The following BAIAP2L1 variants were observed in gnomAD, a reference collection of about 807,000 sequenced individuals.
BAIAP2L1 encodes BAR/IMD domain containing adaptor protein 2 like 1.
Under a neutral mutation model 66.3 loss-of-function variants are expected in BAIAP2L1, and 35 were observed. The ratio of observed to expected loss-of-function variants is 0.53; its 90% confidence interval spans 0.40 to 0.70. The LOEUF (loss-of-function observed/expected upper bound fraction) is 0.70, where lower values mean the gene tolerates loss of function less well. BAIAP2L1 is among the 30% of genes least tolerant of loss of function. The pLI is 0.00. For missense variants in BAIAP2L1, 622 were observed against 656.9 expected, an observed-to-expected ratio of 0.95 and a Z score of 0.58; for synonymous variants, 269 against 248.7, an observed-to-expected ratio of 1.08 and a Z score of -0.77.
In BAIAP2L1 at chr7:98,401,046, G is replaced by T. The variant is rs925561610; in HGVS notation, c.-194C>A. 9.2e-6 allele frequency: 4 copies of T among 433,148 alleles called. No individual in the cohort carries two copies. Among genetic ancestry groups the T allele is most frequent in the Non-Finnish European group, 1.5e-5 (4 of 259,126 alleles). 26.8% of individuals were successfully genotyped at this position (433,148 alleles called of 1,614,324 possible). On this transcript the variant is annotated 5_prime_UTR_variant, in exon 1 of 14. Coordinates refer to ENST00000005260, the MANE Select transcript of BAIAP2L1 (RefSeq NM_018842.5). Reference sequence around the variant, plus strand: ...CAAAACTTGCGGCAGCGCCGCCCTGGCCTTCTTCGAGGAGCAGAGGAGAAG... The same window carrying T: ...CAAAACTTGCGGCAGCGCCGCCCTGTCCTTCTTCGAGGAGCAGAGGAGAAG...
At chr7:98,320,417 C>T in intron 3 of BAIAP2L1, 119 bp from the exon 4 acceptor site, 1 of 696,280 alleles carries the variant, frequency 1.4e-6, no homozygotes, top group South Asian at 1.9e-5. Context: ...CCCGCTGCAA[C>T]CTCCGCCTCC....
At chr7:98,325,564 G>GC (rs1212767061) in intron 3 of BAIAP2L1, among the ~76,000 whole-genome samples, 8 of 151,996 alleles carry the variant, frequency 5.3e-5, no homozygotes, top group Non-Finnish European at 8.8e-5. Context: ...TGTAGTCCTA[G>GC]CTACTCAGGA....
At chr7:98,321,248 C>T (rs1038205500) in intron 3 of BAIAP2L1, among the ~76,000 whole-genome samples, 6 of 152,174 alleles carry the variant, frequency 3.9e-5, no homozygotes, top group East Asian at 1.9e-4. Flanking sequence ...ATGATTACTT[C>T]GGTCATCACA....
intron 7 of BAIAP2L1, among the ~76,000 whole-genome samples, chr7:98,313,766 A>G (rs1800966138): frequency 1.4e-5 from 2 of 145,986 alleles, no homozygotes; most frequent in South Asian, 2.2e-4. Context: ...CCACAGATGC[A>G]CATCACCACA....
chr7:98,336,638 G>C (rs1251129806), intron 3 of BAIAP2L1, among the ~76,000 whole-genome samples: 2 of 152,062 alleles, frequency 1.3e-5, no homozygotes, highest in African/African-American at 4.8e-5. Context: ...TAAAATAAAT[G>C]CATAAATATA....
At chr7:98,306,799 A>C in intron 10 of BAIAP2L1, 1 of 416,602 alleles carries the variant, frequency 2.4e-6, no homozygotes. Context: ...CCTCGAACTC[A>C]TGGGCTCAAG....
At chr7:98,295,439 C>T (rs374190862) in intron 12 of BAIAP2L1, among the ~76,000 whole-genome samples, 3 of 152,202 alleles carry the variant, frequency 2.0e-5, no homozygotes, top group Admixed American at 6.5e-5. Context: ...GGGCACTCAA[C>T]GCTTCCCTAG....
chr7:98,400,811 G>A lies in BAIAP2L1; in HGVS notation c.42C>T (p.Ser14=), dbSNP rs1803352413. Residue 14 remains serine (S), a synonymous_variant, in exon 1 of 14, where the codon AGC becomes AGT. Transcript: ENST00000005260. The part of the protein sequence containing the change: ...GPEEVNRLTE[S]TYRNVMEQFN... ...CGGGCCCTGGGCTTACCCGGTAGGTGCTCTCCGTGAGCCGGTTCACCTCCT... is the reference window on the plus strand; with the variant it reads ...CGGGCCCTGGGCTTACCCGGTAGGTACTCTCCGTGAGCCGGTTCACCTCCT... 1.9e-6 allele frequency: 3 copies of A among 1,548,978 alleles called. No homozygotes were observed. Among genetic ancestry groups the A allele is most frequent in the South Asian group, 2.4e-5 (2 of 84,068 alleles).
At chr7:98,332,785 G>C (rs951680956) in intron 3 of BAIAP2L1, among the ~76,000 whole-genome samples, 3 of 138,332 alleles carry the variant, frequency 2.2e-5, no homozygotes, top group African/African-American at 5.3e-5. Flanking sequence ...CTCCAGCCTG[G>C]GTTACAGAAT....
intron 7 of BAIAP2L1, among the ~76,000 whole-genome samples, chr7:98,314,893 A>G (rs1403157147): frequency 6.6e-6 from 1 of 152,170 alleles, no homozygotes; most frequent in Non-Finnish European, 1.5e-5. Flanking sequence ...AACATGTGCT[A>G]TTTTTCAATG....
intron 1 of BAIAP2L1, chr7:98,385,873 C>G (rs1416477549): frequency 7.6e-6 from 11 of 1,448,498 alleles, no homozygotes; most frequent in Non-Finnish European, 1.1e-5. Flanking sequence ...AGTGGCTTTT[C>G]CAGAACTACT....
At chr7:98,295,372 T>G (rs1047322823) in intron 12 of BAIAP2L1, among the ~76,000 whole-genome samples, 4 of 152,176 alleles carry the variant, frequency 2.6e-5, no homozygotes, top group Admixed American at 1.3e-4. Context: ...ACAAAGCCAC[T>G]GACCTGCCTT....
chr7:98,351,586 T>A (rs980096432), intron 3 of BAIAP2L1, among the ~76,000 whole-genome samples: 12 of 151,946 alleles, frequency 7.9e-5, no homozygotes, highest in Non-Finnish European at 1.6e-4. Flanking sequence ...AGAGAGGATG[T>A]GATGGTTGGA....
intron 1 of BAIAP2L1, among the ~76,000 whole-genome samples, chr7:98,373,031 C>T (rs923949834): frequency 2.0e-5 from 3 of 152,188 alleles, no homozygotes; most frequent in South Asian, 2.1e-4. Flanking sequence ...CGAGCCAGCA[C>T]GCCCGGTCAA....
At chr7:98,322,279 T>C (rs1251607702) in intron 3 of BAIAP2L1, among the ~76,000 whole-genome samples, 1 of 152,078 alleles carries the variant, frequency 6.6e-6, no homozygotes. Flanking sequence ...GACATCTGAG[T>C]CTGACACTGG....
intron 1 of BAIAP2L1, among the ~76,000 whole-genome samples, chr7:98,364,018 C>CTTT (rs34058753): frequency 2.0e-5 from 3 of 149,450 alleles, no homozygotes; most frequent in Admixed American, 6.7e-5. Flanking sequence ...TTTGAATATT[C>CTTT]TTTTTTTTTT....
At chr7:98,314,702 T>G (rs756433714) in intron 7 of BAIAP2L1, among the ~76,000 whole-genome samples, 1 of 151,832 alleles carries the variant, frequency 6.6e-6, no homozygotes, top group Admixed American at 6.6e-5. Context: ...TGGGGGCCCG[T>G]GGGCTGGGGC....
At chr7:98,397,079 CATAA>C (rs1422737483) in intron 1 of BAIAP2L1, among the ~76,000 whole-genome samples, 2 of 152,056 alleles carry the variant, frequency 1.3e-5, no homozygotes, top group Admixed American at 6.6e-5. Flanking sequence ...GGGAAAGAAA[CATAA>C]ATAAATACAT....
chr7:98,306,116 G>A (rs77358975), intron 11 of BAIAP2L1, among the ~76,000 whole-genome samples: 9 of 152,226 alleles, frequency 5.9e-5, no homozygotes, highest in Admixed American at 4.6e-4. Context: ...AGATAAGAAC[G>A]GTAAGATAAG....
Sources: allele counts gnomAD v4.1 joint callset (sites outside exome capture counted in the v4.1 genomes callset), GRCh38; gene constraint gnomAD v4.1.1; transcripts MANE v1.5; gene names NCBI Gene and HGNC (gene_info 2026-07-23, HGNC 2026-07-21).